PGM1: variants seen among roughly 807,000 people sequenced by gnomAD.
PGM1 encodes phosphoglucomutase-1.
In PGM1, 52 loss-of-function variants were observed where a neutral mutation model predicts 55.6. The observed-to-expected ratio is 0.94, with a 90% CI of 0.75 to 1.18. The LOEUF is 1.18. Among genes scored for constraint, PGM1 ranks in the 50% most tolerant of loss-of-function variants. PGM1 has a pLI of 0.00. For missense variants in PGM1, 724 were observed against 729.3 expected (o/e 0.99, Z 0.08); for synonymous variants, 287 against 271.7 (o/e 1.06, Z -0.55).
intron 4 of PGM1, among the ~76,000 whole-genome samples, chr1:63,633,866 CTGTGTGTGTGTGTGTGTG>C (rs58094821): frequency 0.15 from 11,137 of 73,710 alleles, 1,639 homozygotes; most frequent in Admixed American, 0.19. Flanking sequence ...GTCTGTGTCT[CTGTGTGTGTGTGTGTGTG>C]TGTGTGTGTG....
In PGM1 at chr1:63,648,616, A is replaced by G; in HGVS notation, c.1244A>G (p.Asp415Gly). The change falls in exon 8 of 11, where the codon GAT becomes GGT. Residue 415 changes from aspartate to glycine, a missense_variant. Physicochemically the swap from Asp to Gly is moderately conservative, Grantham distance 94. Transcript: ENST00000371084. ...RKQSVEDILK[D>G]HWQKYGRNFF... ...CAGAGTGTGGAGGACATTCTCAAAG[A>G]TCATTGGCAAAAGTATGGCCGGAAT... 6.2e-7 allele frequency: 1 copy of G among 1,614,072 alleles called. No individual in the cohort carries two copies. The highest frequency in any genetic ancestry group is 8.5e-7 in the Non-Finnish European group (1 of 1,179,992).
chr1:63,615,826 A>C (rs1648697758), intron 1 of PGM1, among the ~76,000 whole-genome samples: 1 of 151,492 alleles, frequency 6.6e-6, no homozygotes, highest in African/African-American at 2.4e-5. Context: ...CCAGAGTCCC[A>C]CCATATTTTA....
In PGM1 at chr1:63,651,671, A is replaced by G. The variant is rs769633745; in HGVS notation, c.1283A>G (p.Tyr428Cys). The G allele has an allele frequency of 2.5e-6, 4 of 1,613,424 alleles. No individual in the cohort carries two copies. Among genetic ancestry groups the G allele is most frequent in the Admixed American group, 1.7e-5 (1 of 59,994 alleles). Reference protein sequence around the residue: ...QKYGRNFFTRYDYEEVEAEGA... With the variant: ...QKYGRNFFTRCDYEEVEAEGA... ...CTCAACTTCGTGACTTCTTCCAGGT[A>G]TGATTACGAGGAGGTGGAAGCTGAG... The change falls in exon 9 of 11, where the codon TAT (tyrosine) becomes TGT (cysteine). Residue 428 changes from tyrosine (Y) to cysteine (C), a missense_variant and splice_region_variant. Tyr to Cys is a radical substitution (Grantham distance 194). Around this residue, in one of 3 missense-constraint regions of PGM1, gnomAD observed 316 missense variants for 313.1 expected, o/e 1.01. Coordinates refer to ENST00000371084, the MANE Select transcript of PGM1 (RefSeq NM_002633.3).
rs116229293 is a variant in PGM1, at chr1:63,593,822, C to T, written c.246+88C>T. 2,794 of 1,323,134 alleles carry T rather than the reference C, an allele frequency of 2.1e-3. 44 individuals are homozygous for T. The African/African-American group carries it at 0.034, about 16-fold the overall frequency. The allele number at this position is 1,323,134 out of a possible 1,614,324, so 82.0% of individuals were successfully genotyped here. A position where few individuals can be genotyped will look rare whatever the true frequency, so the allele number is the denominator to read the frequency against. On this transcript the variant is annotated intron_variant, in intron 1 of 10. Transcript: ENST00000371084. Reference sequence around the variant, plus strand: ...GCGCCCTCCCTCGCTCGGGGCCGGCCGCTTCCGCGCGCTGCCGCCTCGGTT... The same window carrying T: ...GCGCCCTCCCTCGCTCGGGGCCGGCTGCTTCCGCGCGCTGCCGCCTCGGTT...
At chr1:63,638,603 A>G (rs41313395) in intron 6 of PGM1, 82 bp from the exon 7 acceptor site, 405 of 883,870 alleles carry the variant, frequency 4.6e-4, no homozygotes, top group Non-Finnish European at 7.4e-4. Context: ...CTTGATTACA[A>G]TAACGATTGC....
intron 1 of PGM1, among the ~76,000 whole-genome samples, chr1:63,628,360 A>C (rs1461216791): frequency 1.3e-5 from 2 of 152,176 alleles, no homozygotes; most frequent in Non-Finnish European, 2.9e-5. Flanking sequence ...GAAGGGAACC[A>C]GGTGCTCCTT....
At chr1:63,636,927 C>A (rs1031530345) in intron 6 of PGM1, among the ~76,000 whole-genome samples, 2 of 152,134 alleles carry the variant, frequency 1.3e-5, no homozygotes, top group African/African-American at 4.8e-5. Context: ...ATCGCTCTTG[C>A]CCACACAAAC....
At chr1:63,658,752 C>CAAAAAAAA (rs35160588) in intron 10 of PGM1, among the ~76,000 whole-genome samples, 1 of 119,530 alleles carries the variant, frequency 8.4e-6, no homozygotes, top group Non-Finnish European at 1.8e-5. Flanking sequence ...AACTCCATCT[C>CAAAAAAAA]AAAAAAAAAA....
At chr1:63,601,969 A>G (rs974189702) in intron 1 of PGM1, among the ~76,000 whole-genome samples, 4 of 152,246 alleles carry the variant, frequency 2.6e-5, no homozygotes, top group Non-Finnish European at 5.9e-5. Context: ...CATATTGGAA[A>G]GATGTTCTTT....
rs1478531403 is a variant in PGM1 at position 63,630,060 on chromosome 1, C to T, written c.528C>T (p.Asp176=). ...GTGTTCTGGGAAAGCAGCAGTTTGACTTGGAAAATAAGTTCAAACCCTTCA... is the reference window on the plus strand; with the variant it reads ...GTGTTCTGGGAAAGCAGCAGTTTGATTTGGAAAATAAGTTCAAACCCTTCA... ...DLGVLGKQQF[D]LENKFKPFTV... The change falls in exon 3 of 11, where the codon GAC becomes GAT. Residue 176 remains aspartate (D), a synonymous_variant. Coordinates refer to ENST00000371084, the MANE Select transcript of PGM1 (RefSeq NM_002633.3). 6.2e-7 allele frequency: 1 copy of T among 1,614,018 alleles called. No homozygotes were observed.
chr1:63,640,600 T>C (rs1048800774), intron 7 of PGM1, among the ~76,000 whole-genome samples: 4 of 152,126 alleles, frequency 2.6e-5, no homozygotes, highest in African/African-American at 9.7e-5. Context: ...CACAGACCCA[T>C]GTGGGAAGCC....
intron 1 of PGM1, chr1:63,594,099 GA>G (rs1557699427): frequency 9.8e-7 from 1 of 1,024,394 alleles, no homozygotes; most frequent in Non-Finnish European, 1.2e-6. Flanking sequence ...TGCAGCCTTG[GA>G]AGATACGATT....
intron 4 of PGM1, among the ~76,000 whole-genome samples, chr1:63,632,044 G>A (rs1649210719): frequency 6.6e-6 from 1 of 152,162 alleles, no homozygotes; most frequent in Non-Finnish European, 1.5e-5. Flanking sequence ...ACATGCAACT[G>A]CTGTTGTGGA....
chr1:63,604,950 TG>T (rs1557703397), intron 1 of PGM1, among the ~76,000 whole-genome samples: 39 of 140,840 alleles, frequency 2.8e-4, no homozygotes, highest in African/African-American at 9.2e-4. Flanking sequence ...TGTGTGTGTG[TG>T]TGTGTGTGTA....
chr1:63,600,456 A>G (rs1377372783), intron 1 of PGM1, among the ~76,000 whole-genome samples: 3 of 152,054 alleles, frequency 2.0e-5, no homozygotes, highest in East Asian at 1.9e-4. Context: ...TTGAGCACCT[A>G]TTAGGTTCTC....
At chr1:63,657,359 T>C (rs1224050570) in intron 10 of PGM1, among the ~76,000 whole-genome samples, 2 of 151,560 alleles carry the variant, frequency 1.3e-5, no homozygotes, top group Non-Finnish European at 2.9e-5. Flanking sequence ...AATGGCAGAG[T>C]AATACCTACT....
intron 10 of PGM1, among the ~76,000 whole-genome samples, chr1:63,658,462 C>G (rs1366666021): frequency 6.8e-6 from 1 of 147,550 alleles, no homozygotes; most frequent in Admixed American, 6.9e-5. Context: ...TTTAAAGATT[C>G]CTGTATTAGG....
intron 1 of PGM1, 96 bp downstream of exon 1, chr1:63,593,830 C>T: frequency 1.5e-6 from 2 of 1,316,482 alleles, no homozygotes; most frequent in Non-Finnish European, 1.9e-6. Context: ...GCCGCTTCCG[C>T]GCGCTGCCGC....
intron 1 of PGM1, among the ~76,000 whole-genome samples, chr1:63,611,991 C>G (rs1648579616): frequency 6.6e-6 from 1 of 152,068 alleles, no homozygotes; most frequent in Non-Finnish European, 1.5e-5. Flanking sequence ...GTGGCTCACG[C>G]CTGGCCTGTA....
Sources: allele counts gnomAD v4.1 joint callset (sites outside exome capture counted in the v4.1 genomes callset), GRCh38; gene constraint gnomAD v4.1.1; regional missense constraint gnomAD v4.1.1; transcripts MANE v1.5; gene names NCBI Gene and HGNC (gene_info 2026-07-23, HGNC 2026-07-21).